Variants in SMG6 observed in about 807,000 individuals in gnomAD.
SMG6 encodes the protein SMG6 nonsense mediated mRNA decay factor, also known as telomerase-binding protein EST1A.
Under a neutral mutation model 142.2 loss-of-function variants are expected in SMG6, and 66 were observed. The ratio of observed to expected loss-of-function variants is 0.46; its 90% CI spans 0.38 to 0.57. SMG6 has a LOEUF of 0.57. Among genes scored for constraint, SMG6 ranks in the 20% least tolerant of loss-of-function variants. SMG6 has a pLI of 0.00. For synonymous variants in SMG6, 779 were observed against 702.4 expected (o/e 1.11, Z -1.72); for missense variants, 1,793 against 1,832.0 (o/e 0.98, Z 0.39).
chr17:2,210,689 G>A (rs938925670), intron 10 of SMG6, among the ~76,000 whole-genome samples: 3 of 149,468 alleles, frequency 2.0e-5, no homozygotes. Context: ...CAGAGAGGAT[G>A]AGCAAACCGA....
At chr17:2,116,250 TA>T (rs1180569650) in intron 13 of SMG6, among the ~76,000 whole-genome samples, 4 of 152,070 alleles carry the variant, frequency 2.6e-5, no homozygotes, top group African/African-American at 9.7e-5. Flanking sequence ...TTTTATTTTT[TA>T]TTTTTTTTGT....
chr17:2,151,447 A>C (rs2070822460), intron 13 of SMG6, among the ~76,000 whole-genome samples: 1 of 152,216 alleles, frequency 6.6e-6, no homozygotes, highest in African/African-American at 2.4e-5. Flanking sequence ...GAAGGCTCAG[A>C]AATTCTTCTC....
At chr17:2,242,039 G>GACAGCCCCTC (rs1191435697) in intron 9 of SMG6, among the ~76,000 whole-genome samples, 2 of 152,096 alleles carry the variant, frequency 1.3e-5, no homozygotes, top group African/African-American at 4.8e-5. Flanking sequence ...CAACGCACAG[G>GACAGCCCCTC]ACAGCCCCTC....
intron 10 of SMG6, chr17:2,216,001 C>T (rs1448344997): frequency 6.6e-6 from 1 of 152,270 alleles, no homozygotes; most frequent in Non-Finnish European, 1.5e-5. Context: ...CCTGCCAGGG[C>T]CTTACACCAG....
At chr17:2,142,053 C>T (rs1168999177) in intron 13 of SMG6, among the ~76,000 whole-genome samples, 1 of 151,846 alleles carries the variant, frequency 6.6e-6, no homozygotes, top group Non-Finnish European at 1.5e-5. Flanking sequence ...TTGTTTTTGG[C>T]GGGAGGACAG....
intron 8 of SMG6, among the ~76,000 whole-genome samples, chr17:2,273,711 C>A (rs1000480030): frequency 1.3e-5 from 2 of 152,002 alleles, no homozygotes; most frequent in African/African-American, 4.8e-5. Context: ...GCACAAGAAT[C>A]GCTTGAGCCT....
Position 2,188,495 on chromosome 17 carries a change from G to C in SMG6, c.2890C>G (p.Arg964Gly). ...GCGGCTTGTTCCTGGATCACAGAGC[G>C]GCACTCCTCCGAGAAGCAGTCTGCG... ...QLKDCFSEEC[R>G]SVIQEQAAAL... Residue 964 changes from arginine to glycine, a missense_variant, in exon 11 of 19, where the codon CGC becomes GGC. Arg to Gly is a moderately radical substitution (Grantham distance 125). This residue lies in a region of SMG6 where 1,597 missense variants were observed against 1,584.6 expected (regional missense o/e 1.01). Coordinates refer to ENST00000263073, the MANE Select transcript of SMG6 (RefSeq NM_017575.5). 1 of 1,614,004 alleles carries C rather than the reference G, an allele frequency of 6.2e-7. No homozygotes were observed. Among genetic ancestry groups the C allele is most frequent in the Non-Finnish European group, 8.5e-7 (1 of 1,179,988 alleles).
At chr17:2,123,397 G>A (rs2069766041) in intron 13 of SMG6, among the ~76,000 whole-genome samples, 2 of 152,316 alleles carry the variant, frequency 1.3e-5, no homozygotes, top group South Asian at 4.1e-4. Flanking sequence ...AAGGCAGTAC[G>A]ACGGAAAGAG....
intron 8 of SMG6, among the ~76,000 whole-genome samples, chr17:2,261,266 A>G (rs1279349472): frequency 3.9e-5 from 6 of 151,984 alleles, no homozygotes; most frequent in Admixed American, 6.6e-5. Context: ...GTGAGCCAAG[A>G]TCGCACCACT....
chr17:2,065,018 A>T, intron 18 of SMG6, 55 bp downstream of exon 18: 3 of 1,361,366 alleles, frequency 2.2e-6, no homozygotes, highest in Non-Finnish European at 2.1e-6. Flanking sequence ...GAGGATGGGT[A>T]GGATGAGGTA....
chr17:2,107,696 A>G (rs962569672), intron 13 of SMG6, among the ~76,000 whole-genome samples: 1 of 152,122 alleles, frequency 6.6e-6, no homozygotes, highest in Non-Finnish European at 1.5e-5. Flanking sequence ...TTTAACTTGG[A>G]GCTGGAAGAG....
At chr17:2,302,532 C>T (rs2151422319) in intron 1 of SMG6, among the ~76,000 whole-genome samples, 1 of 152,314 alleles carries the variant, frequency 6.6e-6, no homozygotes, top group Admixed American at 6.5e-5. Flanking sequence ...CAGAGCTAGA[C>T]TCCGTCTCAA....
chr17:2,235,529 C>T (rs1365439517), intron 10 of SMG6, among the ~76,000 whole-genome samples: 1 of 152,130 alleles, frequency 6.6e-6, no homozygotes, highest in East Asian at 1.9e-4. Flanking sequence ...ACAAGAGACC[C>T]AGCGCCACTC....
chr17:2,111,183 C>T (rs761989918), intron 13 of SMG6, among the ~76,000 whole-genome samples: 9 of 146,598 alleles, frequency 6.1e-5, no homozygotes, highest in Non-Finnish European at 1.3e-4. Flanking sequence ...TAAAACAATG[C>T]TCCTGTTCCC....
chr17:2,116,038 AC>A (rs1304091356), intron 13 of SMG6, among the ~76,000 whole-genome samples: 2 of 150,802 alleles, frequency 1.3e-5, no homozygotes, highest in African/African-American at 5.0e-5. Flanking sequence ...AAAAGCACTC[AC>A]TAACTTTTAA....
chr17:2,230,222 G>GGAAAAAAA (rs2073440665), intron 10 of SMG6, among the ~76,000 whole-genome samples: 1 of 29,848 alleles, frequency 3.4e-5, no homozygotes, highest in Non-Finnish European at 5.8e-5. Context: ...AAAAAAAAAA[G>GGAAAAAAA]GAAAAGAAAG....
At chr17:2,287,115 T>C (rs926888769) in intron 6 of SMG6, among the ~76,000 whole-genome samples, 3 of 152,048 alleles carry the variant, frequency 2.0e-5, no homozygotes, top group African/African-American at 7.2e-5. Flanking sequence ...GTATTTTTAG[T>C]AGAGACGGGG....
At chr17:2,143,245 T>C (rs2070545807) in intron 13 of SMG6, among the ~76,000 whole-genome samples, 2 of 152,126 alleles carry the variant, frequency 1.3e-5, no homozygotes, top group Non-Finnish European at 2.9e-5. Flanking sequence ...CTAAGAGAAA[T>C]GAAAACATAT....
At chr17:2,273,505 T>C (rs1597757606) in intron 8 of SMG6, among the ~76,000 whole-genome samples, 1 of 151,930 alleles carries the variant, frequency 6.6e-6, no homozygotes, top group African/African-American at 2.4e-5. Context: ...TGGTGGCGGG[T>C]GCCTGTAGTC....
Sources: gnomAD v4.1 joint callset for allele counts (sites outside exome capture counted in the v4.1 genomes callset) on GRCh38, gnomAD v4.1.1 for gene constraint, gnomAD v4.1.1 regional missense constraint, MANE v1.5 for transcripts, NCBI Gene and HGNC (gene_info 2026-07-23, HGNC 2026-07-21) for gene names.